Variants in DNAJC15 observed in about 807,000 individuals in gnomAD.
The protein encoded by DNAJC15 is dnaJ homolog subfamily C member 15.
A neutral mutation model predicts 22.4 loss-of-function variants in DNAJC15; 27 were observed. The ratio of observed to expected loss-of-function variants is 1.20; its 90% confidence interval spans 0.89 to 1.66. The LOEUF (loss-of-function observed/expected upper bound fraction) is 1.66, where lower values mean the gene tolerates loss of function less well. DNAJC15 is among the 40% of genes most tolerant of loss of function. The pLI is 0.00. For synonymous variants in DNAJC15, 79 were observed against 63.2 expected, an observed-to-expected ratio of 1.25 and a Z score of -1.19; for missense variants, 208 against 187.1, an observed-to-expected ratio of 1.11 and a Z score of -0.65.
chr13:43,060,468 T>C (rs2040553280), intron 1 of DNAJC15, among the ~76,000 whole-genome samples: 1 of 151,882 alleles, frequency 6.6e-6, no homozygotes, highest in Admixed American at 6.6e-5. Context: ...AATCAGAGAG[T>C]GTCCAAGGGG....
intron 5 of DNAJC15, among the ~76,000 whole-genome samples, chr13:43,104,123 G>T (rs1372634132): frequency 2.6e-5 from 4 of 152,070 alleles, no homozygotes; most frequent in African/African-American, 9.7e-5. Flanking sequence ...AAATATATAT[G>T]TGCATGTAAT....
At chr13:43,051,659 GTGTA>G (rs138112707) in intron 1 of DNAJC15, among the ~76,000 whole-genome samples, 2,770 of 102,568 alleles carry the variant, frequency 0.027, 69 homozygotes, top group South Asian at 0.19. Flanking sequence ...GTGTGTGTGT[GTGTA>G]TATATATCAC....
chr13:43,047,299 GTAT>G (rs2040482972), intron 1 of DNAJC15, among the ~76,000 whole-genome samples: 1 of 152,206 alleles, frequency 6.6e-6, no homozygotes, highest in South Asian at 2.1e-4. Context: ...AGGTAAATGA[GTAT>G]TAACTAATGT....
chr13:43,088,568 C>T (rs192547361), intron 5 of DNAJC15, among the ~76,000 whole-genome samples: 24 of 152,318 alleles, frequency 1.6e-4, no homozygotes, highest in African/African-American at 4.3e-4. Context: ...TCAGTAAACA[C>T]GCAGTATTCT....
chr13:43,113,140 G>T lies in DNAJC15; in HGVS notation c.*5892G>T, dbSNP rs977857973. 1.3e-5 allele frequency: 2 copies of T among 152,156 alleles called. No homozygotes were observed. The highest frequency in any genetic ancestry group is 2.9e-5 in the Non-Finnish European group (2 of 68,034). 9.4% of individuals were successfully genotyped at this position (152,156 alleles called of 1,614,324 possible). A position where few individuals can be genotyped will look rare whatever the true frequency, so the allele number is the denominator to read the frequency against. On this transcript the variant is annotated 3_prime_UTR_variant, in exon 6 of 6. Coordinates refer to ENST00000379221, the MANE Select transcript of DNAJC15 (RefSeq NM_013238.3). ...TTTCAAGGAGAACATCCAGAGCAAG[G>T]TTCTGAAGACAGCTCATGAAGGTGA...
intron 1 of DNAJC15, among the ~76,000 whole-genome samples, chr13:43,035,758 T>C (rs183100033): frequency 7.2e-5 from 11 of 152,296 alleles, no homozygotes; most frequent in Admixed American, 6.5e-4. Flanking sequence ...TCTTGCTCTG[T>C]CTCCCAGGCT....
At chr13:43,040,107 G>C (rs1402437036) in intron 1 of DNAJC15, among the ~76,000 whole-genome samples, 1 of 152,166 alleles carries the variant, frequency 6.6e-6, no homozygotes, top group Non-Finnish European at 1.5e-5. Flanking sequence ...CTCACTCCTA[G>C]ACCCAAATGA....
At chr13:43,107,133 T>C (rs2040800568) in intron 5 of DNAJC15, 45 bp from the exon 6 acceptor site, 2 of 1,480,466 alleles carry the variant, frequency 1.4e-6, no homozygotes, top group African/African-American at 2.9e-5. Context: ...TTAAAGTATG[T>C]CAATGATGAA....
chr13:43,082,455 CTT>C (rs2040666476), intron 4 of DNAJC15, among the ~76,000 whole-genome samples: 1 of 152,130 alleles, frequency 6.6e-6, no homozygotes, highest in Non-Finnish European at 1.5e-5. Flanking sequence ...GTCCAAGAGA[CTT>C]AATATAATAA....
intron 1 of DNAJC15, among the ~76,000 whole-genome samples, chr13:43,034,482 A>AT (rs2040419190): frequency 1.3e-5 from 2 of 151,186 alleles, no homozygotes; most frequent in Non-Finnish European, 2.9e-5. Flanking sequence ...CGCCCGGCTA[A>AT]TTTTTTGAAT....
chr13:43,058,380 G>A (rs1566206311), intron 1 of DNAJC15, among the ~76,000 whole-genome samples: 1 of 152,132 alleles, frequency 6.6e-6, no homozygotes, highest in African/African-American at 2.4e-5. Context: ...GGGTGGGTTG[G>A]TGTGGGTGGT....
intron 1 of DNAJC15, among the ~76,000 whole-genome samples, chr13:43,036,475 TGG>T (rs2040429575): frequency 1.3e-5 from 2 of 152,108 alleles, no homozygotes. Flanking sequence ...TGGCTGGCCA[TGG>T]GCAGGCCTGG....
intron 5 of DNAJC15, among the ~76,000 whole-genome samples, chr13:43,099,247 A>G (rs986004802): frequency 4.6e-5 from 7 of 152,224 alleles, no homozygotes; most frequent in African/African-American, 1.7e-4. Flanking sequence ...TTATCCCACA[A>G]CCTTGCTGAA....
At chr13:43,046,223 G>T (rs1011176320) in intron 1 of DNAJC15, among the ~76,000 whole-genome samples, 1 of 150,050 alleles carries the variant, frequency 6.7e-6, no homozygotes, top group African/African-American at 2.5e-5. Flanking sequence ...TTTGTCTTCC[G>T]TGAGACTTTT....
intron 5 of DNAJC15, among the ~76,000 whole-genome samples, chr13:43,095,294 G>A (rs1294076648): frequency 6.6e-6 from 1 of 152,192 alleles, no homozygotes; most frequent in East Asian, 1.9e-4. Flanking sequence ...AGGAAATTTA[G>A]TATTTCCCCT....
intron 4 of DNAJC15, among the ~76,000 whole-genome samples, chr13:43,081,789 C>G (rs2040663191): frequency 6.6e-6 from 1 of 151,996 alleles, no homozygotes; most frequent in Non-Finnish European, 1.5e-5. Flanking sequence ...TGTTTATAAA[C>G]TATATTAGTC....
intron 5 of DNAJC15, among the ~76,000 whole-genome samples, 196 bp from the exon 6 acceptor site, chr13:43,106,982 T>A (rs542934647): frequency 9.2e-4 from 140 of 152,150 alleles, no homozygotes; most frequent in African/African-American, 3.2e-3. Flanking sequence ...GGTTTTTTTT[T>A]ATTGTTGGGT....
intron 1 of DNAJC15, among the ~76,000 whole-genome samples, chr13:43,053,550 T>C (rs2040515654): frequency 6.6e-6 from 1 of 152,238 alleles, no homozygotes; most frequent in Non-Finnish European, 1.5e-5. Flanking sequence ...GTGATGTGTT[T>C]CCATTTGTGT....
In DNAJC15 at chr13:43,113,324, A is replaced by G. The variant is rs1244255341; in HGVS notation, c.*6076A>G. 1 of 152,224 alleles carries G rather than the reference A, an allele frequency of 6.6e-6. No individual in the cohort carries two copies. The highest frequency in any genetic ancestry group is 1.5e-5 in the Non-Finnish European group (1 of 68,036). The allele number at this position is 152,224 out of a possible 1,614,324, so 9.4% of individuals were successfully genotyped here. A position where few individuals can be genotyped will look rare whatever the true frequency, so the allele number is the denominator to read the frequency against. On this transcript the variant is annotated 3_prime_UTR_variant, in exon 6 of 6. Coordinates refer to ENST00000379221, the MANE Select transcript of DNAJC15 (RefSeq NM_013238.3). Reference sequence around the variant, plus strand: ...TGAAAGGGAATTTCAGTACTTTTATAGAATTCTTAAAAATTGTTTCCTGCT... The same window carrying G: ...TGAAAGGGAATTTCAGTACTTTTATGGAATTCTTAAAAATTGTTTCCTGCT...
Sources: gnomAD v4.1 joint callset for allele counts (sites outside exome capture counted in the v4.1 genomes callset) on GRCh38, gnomAD v4.1.1 for gene constraint, MANE v1.5 for transcripts, NCBI Gene and HGNC (gene_info 2026-07-23, HGNC 2026-07-21) for gene names.